SPTLC3: variants seen among roughly 807,000 people sequenced by gnomAD.
The protein encoded by SPTLC3 is serine palmitoyltransferase 3.
In SPTLC3, 36 loss-of-function variants were observed where a neutral mutation model predicts 59.3. That is an observed-to-expected ratio of 0.61 (90% CI 0.47 to 0.80). The LOEUF is 0.80. Among genes scored for constraint, SPTLC3 ranks in the 30% least tolerant of loss-of-function variants. The pLI, the probability that SPTLC3 is intolerant of heterozygous loss-of-function variation, is 0.00. For synonymous variants in SPTLC3, 257 were observed against 240.8 expected, an observed-to-expected ratio of 1.07 and a Z score of -0.62; for missense variants, 625 against 685.1, an observed-to-expected ratio of 0.91 and a Z score of 0.98.
intron 11 of SPTLC3, among the ~76,000 whole-genome samples, chr20:13,162,191 C>T (rs1279553968): frequency 1.3e-5 from 2 of 152,152 alleles, no homozygotes; most frequent in Non-Finnish European, 2.9e-5. Flanking sequence ...CATGTTTACA[C>T]ATTAAGGGAA....
In SPTLC3 at chr20:13,102,601, G is replaced by T. The variant is rs531872574; in HGVS notation, c.827-7511G>T. On this transcript the variant is annotated intron_variant, in intron 6 of 11. Coordinates refer to ENST00000399002, the MANE Select transcript of SPTLC3 (RefSeq NM_018327.4). ...TAATACTTGGTAGCCTCCATCTCCC[G>T]TACACCTCTCCCAGGGCCAAGGCAG... Among the ~76,000 whole-genome samples the T allele has an allele frequency of 2.0e-5, 3 of 152,174 alleles. No individual in the cohort carries two copies. The South Asian group carries it at 6.2e-4, about 32-fold the overall frequency.
chr20:13,089,057 A>G (rs1989112201), intron 4 of SPTLC3, among the ~76,000 whole-genome samples: 1 of 152,234 alleles, frequency 6.6e-6, no homozygotes, highest in South Asian at 2.1e-4. Flanking sequence ...TCAACATGAA[A>G]TGCAATATAA....
chr20:13,089,785 C>CAA (rs752234758), intron 4 of SPTLC3, among the ~76,000 whole-genome samples: 6,961 of 78,020 alleles, frequency 0.089, 488 homozygotes, highest in Non-Finnish European at 0.12. Context: ...GATTCTATCT[C>CAA]AAAAAAAAAA....
intron 6 of SPTLC3, among the ~76,000 whole-genome samples, chr20:13,095,071 C>T (rs180929868): frequency 1.7e-3 from 252 of 152,250 alleles, no homozygotes; most frequent in African/African-American, 5.3e-3. Flanking sequence ...TTGGAGTAGA[C>T]GTCTTTCAAG....
At chr20:13,082,464 T>C (rs1988872161) in intron 4 of SPTLC3, among the ~76,000 whole-genome samples, 1 of 139,854 alleles carries the variant, frequency 7.2e-6, no homozygotes. Context: ...ATAATAAAAA[T>C]AAGAATAAGA....
At chr20:13,084,332 T>C (rs140071184) in intron 4 of SPTLC3, among the ~76,000 whole-genome samples, 3 of 152,340 alleles carry the variant, frequency 2.0e-5, no homozygotes, top group East Asian at 3.9e-4. Context: ...CAAAGCTTTA[T>C]ATATTTAAGA....
At chr20:13,029,538 GATAATT>G (rs1385254169) in intron 1 of SPTLC3, among the ~76,000 whole-genome samples, 1 of 152,054 alleles carries the variant, frequency 6.6e-6, no homozygotes, top group African/African-American at 2.4e-5. Context: ...CAATTAATCA[GATAATT>G]ATAATTATGA....
chr20:13,160,051 G>A lies in SPTLC3; in HGVS notation c.1464G>A (p.Val488=). The A allele has an allele frequency of 6.2e-7, 1 of 1,613,590 alleles. No individual in the cohort carries two copies. Among genetic ancestry groups the A allele is most frequent in the Non-Finnish European group, 8.5e-7 (1 of 1,179,866 alleles). The change falls in exon 11 of 12, where the codon GTG becomes GTA. Residue 488 remains valine, a synonymous_variant. Coordinates refer to ENST00000399002, the MANE Select transcript of SPTLC3 (RefSeq NM_018327.4). ...MLEKKIGVVV[V]GFPATPLAEA... is the part of the protein sequence containing the mutation. Reference sequence around the variant, plus strand: ...AGAAAAAAATTGGAGTGGTGGTCGTGGGATTTCCAGCCACTCCCCTCGCAG... The same window carrying A: ...AGAAAAAAATTGGAGTGGTGGTCGTAGGATTTCCAGCCACTCCCCTCGCAG...
chr20:13,086,836 C>T (rs1281572231), intron 4 of SPTLC3, among the ~76,000 whole-genome samples: 1 of 152,018 alleles, frequency 6.6e-6, no homozygotes. Context: ...CTTTGTCACC[C>T]AGGCTGGCAT....
At chr20:13,144,461 T>C (rs923498155) in intron 9 of SPTLC3, among the ~76,000 whole-genome samples, 3 of 152,134 alleles carry the variant, frequency 2.0e-5, no homozygotes, top group Non-Finnish European at 2.9e-5. Flanking sequence ...GATCAGTAAA[T>C]TGAGGCTCAG....
intron 4 of SPTLC3, among the ~76,000 whole-genome samples, chr20:13,078,746 A>G (rs1988735656): frequency 6.6e-6 from 1 of 152,112 alleles, no homozygotes; most frequent in African/African-American, 2.4e-5. Context: ...CTGGGTTTCA[A>G]GCTGTGACCT....
At chr20:13,031,674 C>A (rs974227872) in intron 1 of SPTLC3, among the ~76,000 whole-genome samples, 7 of 152,068 alleles carry the variant, frequency 4.6e-5, no homozygotes, top group African/African-American at 1.7e-4. Context: ...AAGACACTAC[C>A]CAAGTGATCT....
chr20:13,065,655 T>C (rs907330455), intron 2 of SPTLC3, among the ~76,000 whole-genome samples: 1 of 151,892 alleles, frequency 6.6e-6, no homozygotes, highest in Non-Finnish European at 1.5e-5. Flanking sequence ...ATTCCTGCCA[T>C]ATTTTTTACA....
At position 13,154,060 on chromosome 20, in the gene SPTLC3, A is replaced by C; in HGVS notation, c.1337A>C (p.Gln446Pro). The change falls in exon 10 of 12, where the codon CAG (glutamine) becomes CCG (proline). Residue 446 changes from glutamine (Q) to proline (P), a missense_variant. Coordinates refer to ENST00000399002, the MANE Select transcript of SPTLC3 (RefSeq NM_018327.4). ...ACAAGATACTTCAGACAAAGACTGC[A>C]GGAAATGGGATTCATTATCTATGGC... ...KNTRYFRQRL[Q>P]EMGFIIYGNE... The C allele has an allele frequency of 6.2e-7, 1 of 1,614,178 alleles. No individual in the cohort carries two copies. The highest frequency in any genetic ancestry group is 8.5e-7 in the Non-Finnish European group (1 of 1,179,998).
chr20:13,049,094 A>C lies in SPTLC3; in HGVS notation c.267A>C (p.Glu89Asp). The change falls in exon 2 of 12, where the codon GAA becomes GAC. Residue 89 changes from glutamate to aspartate, a missense_variant. Physicochemically the swap from Glu to Asp is conservative, Grantham distance 45. Coordinates refer to ENST00000399002, the MANE Select transcript of SPTLC3 (RefSeq NM_018327.4). ...LRDFLRNWGI[E>D]KCNAAVERKE... ...ACTTTTTAAGAAACTGGGGAATAGA[A>C]AAATGCAACGCAGCTGTGGAAAGAA... 1 of 1,613,886 alleles carries C rather than the reference A, an allele frequency of 6.2e-7. No individual in the cohort carries two copies. The highest frequency in any genetic ancestry group is 1.1e-5 in the South Asian group (1 of 91,060).
intron 11 of SPTLC3, among the ~76,000 whole-genome samples, chr20:13,163,675 T>C (rs1016452754): frequency 5.3e-5 from 8 of 152,058 alleles, no homozygotes; most frequent in Non-Finnish European, 8.8e-5. Context: ...TTGGAGGAAA[T>C]CTTAATTAAT....
intron 1 of SPTLC3, among the ~76,000 whole-genome samples, chr20:13,033,071 C>T (rs1216383821): frequency 6.6e-6 from 1 of 152,142 alleles, no homozygotes; most frequent in Non-Finnish European, 1.5e-5. Context: ...TAATTTTATA[C>T]TTAAACTTCC....
chr20:13,160,063 C>A lies in SPTLC3; in HGVS notation c.1476C>A (p.Ala492=). The change falls in exon 11 of 12, where the codon GCC becomes GCA. Residue 492 remains alanine, a synonymous_variant. Coordinates refer to ENST00000399002, the MANE Select transcript of SPTLC3 (RefSeq NM_018327.4). ...GAGTGGTGGTCGTGGGATTTCCAGC[C>A]ACTCCCCTCGCAGAAGCTCGGGCTC... is the stretch of plus-strand genomic sequence containing the variant. The part of the protein sequence containing the change: ...KIGVVVVGFP[A]TPLAEARARF... 2 of 1,613,740 alleles carry A rather than the reference C, an allele frequency of 1.2e-6. No homozygotes were observed. The highest frequency in any genetic ancestry group is 1.3e-5 in the African/African-American group (1 of 74,922).
intron 5 of SPTLC3, among the ~76,000 whole-genome samples, chr20:13,091,481 G>A (rs1989216295): frequency 6.6e-6 from 1 of 151,950 alleles, no homozygotes; most frequent in Admixed American, 6.6e-5. Flanking sequence ...GCTAAGGCAG[G>A]AGAATTGCTT....
Sources: gnomAD v4.1 joint callset for allele counts (sites outside exome capture counted in the v4.1 genomes callset) on GRCh38, gnomAD v4.1.1 for gene constraint, MANE v1.5 for transcripts, NCBI Gene and HGNC (gene_info 2026-07-23, HGNC 2026-07-21) for gene names.